The following RPS24 variants were observed in gnomAD, a reference collection of about 807,000 sequenced individuals.
The protein encoded by RPS24 is small ribosomal subunit protein eS24.
For missense variants in RPS24, 100 were observed against 162.5 expected, an observed-to-expected ratio of 0.62 and a Z score of 2.09; for synonymous variants, 72 against 55.6, an observed-to-expected ratio of 1.30 and a Z score of -1.31.
intron 1 of RPS24, chr10:78,034,274 A>G (rs577700881): frequency 1.0e-4 from 39 of 380,706 alleles, no homozygotes; most frequent in Non-Finnish European, 1.6e-4. Context: ...TGATGGCAGT[A>G]CAAGAGGTGA....
intron 4 of RPS24, among the ~76,000 whole-genome samples, chr10:78,050,856 C>T (rs1848092319): frequency 6.6e-6 from 1 of 152,130 alleles, no homozygotes; most frequent in Admixed American, 6.5e-5. Flanking sequence ...AAGCTATCCT[C>T]CCACCACACC....
intron 5 of RPS24, 49 bp downstream of exon 5, chr10:78,040,274 G>A: frequency 2.0e-6 from 3 of 1,465,456 alleles, no homozygotes; most frequent in South Asian, 1.1e-5. Context: ...AGACTCCTTG[G>A]TGTACTGACG....
intron 4 of RPS24, among the ~76,000 whole-genome samples, chr10:78,053,068 G>A (rs1002291030): frequency 6.6e-5 from 10 of 151,692 alleles, no homozygotes; most frequent in African/African-American, 1.9e-4. Context: ...CAGGAGAATC[G>A]CTTGAACCTG....
At chr10:78,048,804 G>GA (rs201829289) in intron 4 of RPS24, among the ~76,000 whole-genome samples, 1,837 of 150,534 alleles carry the variant, frequency 0.012, 45 homozygotes, top group African/African-American at 0.043. Flanking sequence ...GAACCTGGGA[G>GA]AGGGAGGTTG....
chr10:78,037,562 G>GGTGGGCACCT, intron 4 of RPS24: 1 of 486,038 alleles, frequency 2.1e-6, no homozygotes, highest in Non-Finnish European at 3.6e-6. Flanking sequence ...GATCCCAGCT[G>GGTGGGCACCT]GTGGGCACCT....
intron 4 of RPS24, among the ~76,000 whole-genome samples, chr10:78,050,993 CCAGCA>C (rs200047694): frequency 0.025 from 3,878 of 152,276 alleles, 130 homozygotes; most frequent in Non-Finnish European, 0.031. Flanking sequence ...GCGTTCGAGA[CCAGCA>C]TGGCCAACCT....
chr10:78,053,293 T>G (rs1429721659), intron 4 of RPS24, among the ~76,000 whole-genome samples: 4 of 152,046 alleles, frequency 2.6e-5, no homozygotes, highest in Non-Finnish European at 4.4e-5. Flanking sequence ...AGAGCCTGGC[T>G]GCTTTCTAGG....
chr10:78,050,132 C>T lies in RPS24; in HGVS notation c.391-4399C>T, dbSNP rs550641727. Reference sequence around the variant, plus strand: ...ATCAGCTCTTCCTTCTCCCCTCCTTCCTCCTTCCCCCTCTTTGAGTCTATG... The same window carrying T: ...ATCAGCTCTTCCTTCTCCCCTCCTTTCTCCTTCCCCCTCTTTGAGTCTATG... On this transcript the variant is annotated intron_variant, in intron 4 of 4. Transcript: ENST00000440692. Among the ~76,000 whole-genome samples, 7 of 144,466 alleles carry T rather than the reference C, an allele frequency of 4.8e-5. No individual in the cohort carries two copies. The South Asian group carries it at 1.6e-3, about 32-fold the overall frequency. 94.8% of individuals were successfully genotyped at this position (144,466 alleles called of 152,430 possible). A position where few individuals can be genotyped will look rare whatever the true frequency, so the allele number is the denominator to read the frequency against.
chr10:78,035,375 T>C lies in RPS24; in HGVS notation c.27T>C (p.Thr9=), dbSNP rs1222474862. 5 of 1,614,034 alleles carry C rather than the reference T, an allele frequency of 3.1e-6. No homozygotes were observed. The African/African-American group carries it at 4.0e-5, about 13-fold the overall frequency. MNDTVTIR[T]RKFMTNRLLQ... ...AGAACGACACCGTAACTATCCGCAC[T>C]AGAAAGTTCATGACCAACCGACTAC... Residue 9 remains threonine, a synonymous_variant, in exon 2 of 6, where the codon ACT becomes ACC. Transcript: ENST00000372360.
chr10:78,040,027 A>C (rs529768739), intron 4 of RPS24, 177 bp from the exon 5 acceptor site: 12 of 698,926 alleles, frequency 1.7e-5, no homozygotes, highest in Non-Finnish European at 3.2e-5. Flanking sequence ...GGAGGAATAA[A>C]ATCAGTGAGT....
intron 1 of RPS24, 100 bp from the exon 2 acceptor site, chr10:78,035,252 T>C: frequency 8.4e-7 from 1 of 1,186,384 alleles, no homozygotes; most frequent in Non-Finnish European, 1.3e-6. Context: ...ACATGACTAA[T>C]GGCTACAAAT....
At chr10:78,045,562 A>G (rs1589333532), downstream of RPS24, among the ~76,000 whole-genome samples, 2 of 151,574 alleles carry the variant, frequency 1.3e-5, no homozygotes, top group African/African-American at 4.8e-5. Context: ...GCTCACTGCA[A>G]CCTCTGCCTC....
chr10:78,035,773 G>A lies in RPS24; in HGVS notation c.279+53G>A, dbSNP rs184847343. On this transcript the variant is annotated intron_variant, in intron 3 of 5. Coordinates refer to ENST00000372360, the MANE Select transcript of RPS24 (RefSeq NM_033022.4). Reference sequence around the variant, plus strand: ...CTCCTGAAGACCTATTTTTTCAATAGCGTTGTGTTGTGAGTGTGGTAAAAA... The same window carrying A: ...CTCCTGAAGACCTATTTTTTCAATAACGTTGTGTTGTGAGTGTGGTAAAAA... The A allele has an allele frequency of 2.1e-6, 3 of 1,441,322 alleles. No homozygotes were observed. In the African/African-American group the frequency reaches 4.2e-5, roughly 20 times the overall value. 89.3% of individuals were successfully genotyped at this position (1,441,322 alleles called of 1,614,324 possible).
At chr10:78,050,837 C>A (rs1275537998) in intron 4 of RPS24, among the ~76,000 whole-genome samples, 1 of 151,962 alleles carries the variant, frequency 6.6e-6, no homozygotes, top group African/African-American at 2.4e-5. Flanking sequence ...TGTTGCGCCT[C>A]CTGGCCTCAA....
At chr10:78,037,125 C>T in intron 3 of RPS24, 69 bp from the exon 4 acceptor site, 1 of 1,546,760 alleles carries the variant, frequency 6.5e-7, no homozygotes, top group South Asian at 1.2e-5. Context: ...GGGTCAGTTT[C>T]CCTACCAGAG....
exon 5 of RPS24, chr10:78,055,697 A>AAAGGAATT (rs1848143679): frequency 6.6e-6 from 1 of 152,182 alleles, no homozygotes; most frequent in Admixed American, 6.5e-5. Context: ...GAGGTACACA[A>AAAGGAATT]AAGGAATTCC....
chr10:78,043,244 C>T (rs1035476231), downstream of RPS24, among the ~76,000 whole-genome samples: 6 of 152,160 alleles, frequency 3.9e-5, no homozygotes, highest in African/African-American at 1.4e-4. Context: ...ACCTTGTGAT[C>T]CGCCTGCCTT....
In RPS24 at chr10:78,035,429, C is replaced by T; in HGVS notation, c.69+12C>T. The T allele has an allele frequency of 1.2e-6, 2 of 1,613,626 alleles. No homozygotes were observed. The highest frequency in any genetic ancestry group is 1.7e-6 in the Non-Finnish European group (2 of 1,179,508). On this transcript the variant is annotated intron_variant, in intron 2 of 5. Coordinates refer to ENST00000372360, the MANE Select transcript of RPS24 (RefSeq NM_033022.4). ...AGAGGAAACAAATGGTAAGGAAGGG[C>T]ACATCAATCTTTGCTTAATTGTCCT...
At chr10:78,049,414 T>G (rs904710507) in intron 4 of RPS24, among the ~76,000 whole-genome samples, 3 of 152,146 alleles carry the variant, frequency 2.0e-5, no homozygotes, top group African/African-American at 7.2e-5. Context: ...GAGGAGGCCT[T>G]CTGCTGCAAG....
Sources: gnomAD v4.1 joint callset for allele counts (sites outside exome capture counted in the v4.1 genomes callset) on GRCh38, gnomAD v4.1.1 for gene constraint, MANE v1.5 for transcripts, NCBI Gene and HGNC (gene_info 2026-07-23, HGNC 2026-07-21) for gene names.